The following PCSK6 variants were observed in gnomAD, a reference collection of about 807,000 sequenced individuals.
The protein encoded by PCSK6 is paired basic amino acid cleaving enzyme 4.
Under a neutral mutation model 123.3 loss-of-function variants are expected in PCSK6, and 85 were observed. The ratio of observed to expected loss-of-function variants is 0.69; its 90% CI spans 0.58 to 0.83. PCSK6 has a LOEUF of 0.83. PCSK6 is among the 40% of genes least tolerant of loss of function. The probability of loss-of-function intolerance (pLI) is 0.00; values close to 1 mark genes in which losing one functional copy is unlikely to be tolerated. For missense variants in PCSK6, 1,191 were observed against 1,282.3 expected (o/e 0.93, Z 1.09); for synonymous variants, 508 against 516.0 (o/e 0.98, Z 0.21).
intron 13 of PCSK6, among the ~76,000 whole-genome samples, chr15:101,357,371 A>T (rs1377859640): frequency 6.6e-6 from 1 of 152,228 alleles, no homozygotes; most frequent in Non-Finnish European, 1.5e-5. Context: ...AGCTGACTCG[A>T]TGCTGACGAT....
At chr15:101,437,407 C>T (rs371927267) in intron 2 of PCSK6, among the ~76,000 whole-genome samples, 4 of 152,106 alleles carry the variant, frequency 2.6e-5, no homozygotes, top group East Asian at 1.9e-4. Context: ...TGAGTAAGCC[C>T]GGGCAGTAGA....
chr15:101,482,794 G>C (rs999257429), intron 1 of PCSK6, among the ~76,000 whole-genome samples: 2 of 100,124 alleles, frequency 2.0e-5, no homozygotes, highest in Admixed American at 2.1e-4. Flanking sequence ...TTCTGAGTCT[G>C]CTCCTGATTC....
At chr15:101,431,939 G>T in intron 3 of PCSK6, 51 bp downstream of exon 3, 1 of 1,284,372 alleles carries the variant, frequency 7.8e-7, no homozygotes. Flanking sequence ...CCATTTCAGA[G>T]ACCTGGCAGT....
At chr15:101,467,110 A>C (rs970532533) in intron 1 of PCSK6, among the ~76,000 whole-genome samples, 1 of 152,120 alleles carries the variant, frequency 6.6e-6, no homozygotes, top group Non-Finnish European at 1.5e-5. Context: ...CAGGTAAAAA[A>C]AATTCATAAA....
In PCSK6 at chr15:101,472,618, T is replaced by C. The variant is rs560596858; in HGVS notation, c.297+16756A>G. 7.2e-5 allele frequency among the ~76,000 whole-genome samples: 11 copies of C among 152,104 alleles called. No homozygotes were observed. In the East Asian group the frequency reaches 2.1e-3, roughly 29 times the overall value. On this transcript the variant is annotated intron_variant, in intron 1 of 21. Transcript: ENST00000611716. ...ACTGAGACTCCACTGAGGAGGTCAGTTTTCAGGAGAGACCAGGGAGGAGGC... is the reference window on the plus strand; with the variant it reads ...ACTGAGACTCCACTGAGGAGGTCAGCTTTCAGGAGAGACCAGGGAGGAGGC...
At chr15:101,324,147 G>C (rs1283492782) in intron 17 of PCSK6, among the ~76,000 whole-genome samples, 1 of 152,212 alleles carries the variant, frequency 6.6e-6, no homozygotes, top group African/African-American at 2.4e-5. Context: ...CCCCTGCTCA[G>C]CTTTGATTCC....
chr15:101,369,844 C>T (rs188731000), intron 12 of PCSK6, among the ~76,000 whole-genome samples: 200 of 152,302 alleles, frequency 1.3e-3, no homozygotes, highest in African/African-American at 4.5e-3. Flanking sequence ...ACATACCACC[C>T]GAGCCTGTCT....
chr15:101,354,953 T>C (rs939548554), intron 13 of PCSK6, among the ~76,000 whole-genome samples: 3 of 152,378 alleles, frequency 2.0e-5, no homozygotes, highest in East Asian at 1.9e-4. Context: ...CTATACTGAT[T>C]TGTAACAGCG....
Position 101,380,438 on chromosome 15 carries a change from G to A in PCSK6, c.1532+1654C>T, listed in dbSNP as rs75229652. ...GCCTCTGAGGGTCCAGGCTGCAGGC[G>A]TTTTCCAGCAAAGACAGAGAAGGCA... On this transcript the variant is annotated intron_variant, in intron 11 of 21. Transcript: ENST00000611716. Among the ~76,000 whole-genome samples the A allele has an allele frequency of 1.4e-3, 213 of 152,286 alleles. 2 individuals are homozygous for A. Among genetic ancestry groups the A allele is most frequent in the African/African-American group, 3.8e-3 (158 of 41,562 alleles).
At chr15:101,361,961 T>TTTC (rs2041234805) in intron 13 of PCSK6, among the ~76,000 whole-genome samples, 2 of 148,026 alleles carry the variant, frequency 1.4e-5, no homozygotes, top group African/African-American at 5.0e-5. Context: ...TGAAGCTTTT[T>TTTC]TTTTTTTTTT....
chr15:101,370,686 C>T (rs951683526), intron 11 of PCSK6, among the ~76,000 whole-genome samples, 163 bp from the exon 12 acceptor site: 12 of 152,284 alleles, frequency 7.9e-5, no homozygotes, highest in African/African-American at 2.2e-4. Flanking sequence ...GTGGATGCTC[C>T]ACTGTGAACT....
intron 7 of PCSK6, among the ~76,000 whole-genome samples, chr15:101,393,706 G>A (rs1055967313): frequency 6.6e-6 from 1 of 152,150 alleles, no homozygotes; most frequent in Non-Finnish European, 1.5e-5. Flanking sequence ...AAAATCAAGG[G>A]TCCCAACACA....
chr15:101,449,241 T>C (rs1391285508), intron 1 of PCSK6, among the ~76,000 whole-genome samples: 1 of 152,216 alleles, frequency 6.6e-6, no homozygotes, highest in African/African-American at 2.4e-5. Flanking sequence ...CCTAATACAA[T>C]GTAAATGCTG....
In PCSK6 at chr15:101,313,273, C is replaced by T. The variant is rs556080336; in HGVS notation, c.2699+103G>A. Reference sequence around the variant, plus strand: ...TCCTGTCCACAGTGGGGTGATGCAACATGCCCTCCCCGGCCCCTGGGGAAG... The same window carrying T: ...TCCTGTCCACAGTGGGGTGATGCAATATGCCCTCCCCGGCCCCTGGGGAAG... On this transcript the variant is annotated intron_variant, in intron 20 of 21. Transcript: ENST00000611716. 1.6e-5 allele frequency: 26 copies of T among 1,591,330 alleles called. No homozygotes were observed. The Admixed American group carries it at 3.7e-4, about 23-fold the overall frequency.
chr15:101,390,517 G>C (rs117512695), intron 8 of PCSK6, among the ~76,000 whole-genome samples: 1 of 152,338 alleles, frequency 6.6e-6, no homozygotes, highest in Non-Finnish European at 1.5e-5. Context: ...CAGCAAGGCT[G>C]TTTGAGAGAG....
At position 101,489,355 on chromosome 15, in the gene PCSK6, CG is replaced by C; in HGVS notation, c.297+18del. 1.8e-6 allele frequency: 2 copies of C among 1,142,302 alleles called. No individual in the cohort carries two copies. Among genetic ancestry groups the C allele is most frequent in the South Asian group, 2.6e-5 (1 of 38,304 alleles). 70.8% of individuals were successfully genotyped at this position (1,142,302 alleles called of 1,614,324 possible). On this transcript the variant is annotated intron_variant, in intron 1 of 21. Coordinates refer to ENST00000611716, the MANE Select transcript of PCSK6 (RefSeq NM_002570.5). Reference sequence around the variant, plus strand: ...GGCCGCCGGGAAAGTTTTGGGCGCGCGGGGCCGGCCGCACTCACCTGGCCCA... The same window carrying C: ...GGCCGCCGGGAAAGTTTTGGGCGCGCGGGCCGGCCGCACTCACCTGGCCCA...
Position 101,324,932 on chromosome 15 carries a change from C to T in PCSK6, c.2295G>A (p.Leu765=). The T allele has an allele frequency of 6.2e-7, 1 of 1,613,588 alleles. No individual in the cohort carries two copies. The highest frequency in any genetic ancestry group is 8.5e-7 in the Non-Finnish European group (1 of 1,179,892). ...GGTGATAGAACCCGCGGCGGCAAGA[C>T]AGGCACTGCGTCGCAGCTCTGCTGG... ...TCSSRAATQC[L]SCRRGFYHHQ... Residue 765 remains leucine, a synonymous_variant, in exon 17 of 22, where the codon CTG becomes CTA. Coordinates refer to ENST00000611716, the MANE Select transcript of PCSK6 (RefSeq NM_002570.5).
rs1005941959 is a variant in PCSK6 at position 101,304,370 on chromosome 15, A to G, written c.*888T>C. ...CAGAGGCCAAATGTATTTTAAAAGC[A>G]ATTCCATAAAATGGGAAGTGATGGA... On this transcript the variant is annotated 3_prime_UTR_variant, in exon 22 of 22. Transcript: ENST00000611716. 3 of 152,414 alleles carry G rather than the reference A, an allele frequency of 2.0e-5. No homozygotes were observed. Among genetic ancestry groups the G allele is most frequent in the African/African-American group, 7.2e-5 (3 of 41,476 alleles). The allele number at this position is 152,414 out of a possible 1,614,324, so 9.4% of individuals were successfully genotyped here.
Position 101,443,614 on chromosome 15 carries a change from A to C in PCSK6, c.344T>G (p.Phe115Cys). ...TCTGCTACTCAAGGTTGATCTTTTA[A>C]AGGTTTTGCTGTGATAAAAATGGTA... Reference protein sequence around the residue: ...DYYHFYHSKTFKRSTLSSRGP... With the variant: ...DYYHFYHSKTCKRSTLSSRGP... The change falls in exon 2 of 22, where the codon TTT becomes TGT. Residue 115 changes from phenylalanine (F) to cysteine (C), a missense_variant. This residue lies in a region of PCSK6 where 204 missense variants were observed against 166.4 expected (regional missense o/e 1.23). Transcript: ENST00000611716. The C allele has an allele frequency of 6.2e-7, 1 of 1,613,962 alleles. No individual in the cohort carries two copies. The highest frequency in any genetic ancestry group is 1.1e-5 in the South Asian group (1 of 91,076).
Sources: allele counts gnomAD v4.1 joint callset (sites outside exome capture counted in the v4.1 genomes callset), GRCh38; gene constraint gnomAD v4.1.1; regional missense constraint gnomAD v4.1.1; transcripts MANE v1.5; gene names NCBI Gene and HGNC (gene_info 2026-07-23, HGNC 2026-07-21).